Variants in LEPR observed in about 807,000 individuals in gnomAD.
LEPR encodes leptin receptor.
A neutral mutation model predicts 114.7 loss-of-function variants in LEPR; 56 were observed. That is an observed-to-expected ratio of 0.49 (90% CI 0.39 to 0.61). LEPR has a LOEUF of 0.61. Ranked by LOEUF, LEPR falls within the 20% of genes least tolerant of loss-of-function variation. The pLI is 0.00. For synonymous variants in LEPR, 443 were observed against 461.4 expected (o/e 0.96, Z 0.51); for missense variants, 1,202 against 1,352.9 (o/e 0.89, Z 1.75).
At chr1:65,622,609 G>T (rs1395783166) in intron 18 of LEPR, among the ~76,000 whole-genome samples, 1 of 152,192 alleles carries the variant, frequency 6.6e-6, no homozygotes, top group Non-Finnish European at 1.5e-5. Flanking sequence ...TACCCACTTT[G>T]TGACCATTTT....
At chr1:65,446,621 G>C (rs915242310) in intron 2 of LEPR, among the ~76,000 whole-genome samples, 10 of 152,062 alleles carry the variant, frequency 6.6e-5, no homozygotes, top group Non-Finnish European at 1.5e-4. Flanking sequence ...TTATTGAGTT[G>C]TGTGATTTCT....
rs534721012 is a variant in LEPR at position 65,501,317 on chromosome 1, T to C, written c.-20-64229T>C. On this transcript the variant is annotated intron_variant, in intron 2 of 19. Transcript: ENST00000349533. ...CCTTTAGGGGAGAATATCCCTTGCC[T>C]CTTTTAGCTTTTGGTAGCCTCAGGC... 5.4e-5 allele frequency among the ~76,000 whole-genome samples: 8 copies of C among 148,600 alleles called. No homozygotes were observed. In the South Asian group the frequency reaches 1.8e-3, roughly 33 times the overall value.
rs551766516 is a variant in LEPR, at chr1:65,522,608, A to G, written c.-20-42938A>G. Among the ~76,000 whole-genome samples the G allele has an allele frequency of 4.6e-5, 7 of 152,354 alleles. No homozygotes were observed. The South Asian group carries it at 1.4e-3, about 32-fold the overall frequency. The stretch of plus-strand genomic sequence containing the variant: ...CGTAAAGAGTTTCAAGAAGTGGCGT[A>G]TCAATATTCTCAACTTAATAGTTGG... On this transcript the variant is annotated intron_variant, in intron 2 of 19. Coordinates refer to ENST00000349533, the MANE Select transcript of LEPR (RefSeq NM_002303.6).
intron 19 of LEPR, among the ~76,000 whole-genome samples, chr1:65,627,145 C>T (rs1658266589): frequency 6.6e-6 from 1 of 152,158 alleles, no homozygotes; most frequent in Non-Finnish European, 1.5e-5. Flanking sequence ...GTCCATGTAA[C>T]ATCTGTGGTT....
intron 2 of LEPR, among the ~76,000 whole-genome samples, chr1:65,485,260 A>G (rs528403214): frequency 6.6e-6 from 1 of 152,222 alleles, no homozygotes; most frequent in Non-Finnish European, 1.5e-5. Flanking sequence ...ACACACGTTC[A>G]TAATTATGTT....
At chr1:65,567,452 A>G (rs539383060) in intron 3 of LEPR, among the ~76,000 whole-genome samples, 1 of 152,232 alleles carries the variant, frequency 6.6e-6, no homozygotes, top group Admixed American at 6.5e-5. Flanking sequence ...AACATGTTAG[A>G]AGGAGTGAAG....
chr1:65,558,181 T>C (rs903627082), intron 2 of LEPR, among the ~76,000 whole-genome samples: 2 of 152,158 alleles, frequency 1.3e-5, no homozygotes, highest in African/African-American at 2.4e-5. Context: ...CAAGAACAGG[T>C]AGCATAAAAA....
intron 2 of LEPR, among the ~76,000 whole-genome samples, chr1:65,452,258 A>G (rs1022160313): frequency 2.0e-5 from 3 of 152,002 alleles, no homozygotes; most frequent in Non-Finnish European, 4.4e-5. Flanking sequence ...TTCCTAATTG[A>G]ATACCCTTTA....
intron 2 of LEPR, among the ~76,000 whole-genome samples, chr1:65,536,235 A>G (rs1202064507): frequency 6.6e-6 from 1 of 152,058 alleles, no homozygotes; most frequent in Admixed American, 6.5e-5. Flanking sequence ...TTTTAAAAAG[A>G]GCTTGGCTTG....
intron 14 of LEPR, among the ~76,000 whole-genome samples, chr1:65,610,638 C>T (rs1359200651): frequency 6.6e-6 from 1 of 152,142 alleles, no homozygotes; most frequent in Non-Finnish European, 1.5e-5. Flanking sequence ...AAATTGTATT[C>T]ATATTTAATC....
rs151097940 is a variant in LEPR, at chr1:65,573,510, A to G, written c.494+1061A>G. Among the ~76,000 whole-genome samples the G allele has an allele frequency of 3.0e-4, 46 of 152,384 alleles. No homozygotes were observed. In the East Asian group the frequency reaches 8.1e-3, roughly 27 times the overall value. On this transcript the variant is annotated intron_variant, in intron 5 of 19. Coordinates refer to ENST00000349533, the MANE Select transcript of LEPR (RefSeq NM_002303.6). ...ACAAAGATATTGTTTTCAAATAGCC[A>G]TATACTTATAACTCAAACAGCGAAT...
intron 2 of LEPR, among the ~76,000 whole-genome samples, chr1:65,558,185 A>G (rs1652959027): frequency 6.6e-6 from 1 of 152,192 alleles, no homozygotes; most frequent in South Asian, 2.1e-4. Context: ...AACAGGTAGC[A>G]TAAAAAGCAG....
At chr1:65,449,808 G>T (rs1646759185) in intron 2 of LEPR, among the ~76,000 whole-genome samples, 1 of 138,420 alleles carries the variant, frequency 7.2e-6, no homozygotes, top group Non-Finnish European at 1.6e-5. Flanking sequence ...GAATTAATTT[G>T]TTCCTCTTTT....
At chr1:65,539,988 T>G (rs1448600075) in intron 2 of LEPR, among the ~76,000 whole-genome samples, 1 of 152,188 alleles carries the variant, frequency 6.6e-6, no homozygotes, top group Non-Finnish European at 1.5e-5. Flanking sequence ...CCCAGTAAAC[T>G]TTAATAAATT....
At chr1:65,598,568 C>A (rs1656238331) in intron 7 of LEPR, 92 bp from the exon 8 acceptor site, 1 of 1,550,986 alleles carries the variant, frequency 6.4e-7, no homozygotes. Context: ...GATATTAATT[C>A]TTTGAAATTT....
intron 2 of LEPR, chr1:65,429,964 C>G (rs766227049): frequency 6.3e-7 from 1 of 1,578,524 alleles, no homozygotes; most frequent in Non-Finnish European, 8.7e-7. Flanking sequence ...CCAGTAGTGC[C>G]TGTCGGGAAC....
rs542652920 is a variant in LEPR at position 65,571,121 on chromosome 1, G to A, written c.370+319G>A. 7.2e-5 allele frequency among the ~76,000 whole-genome samples: 11 copies of A among 152,176 alleles called. No individual in the cohort carries two copies. The East Asian group carries it at 1.3e-3, about 19-fold the overall frequency. On this transcript the variant is annotated intron_variant, in intron 4 of 19. Coordinates refer to ENST00000349533, the MANE Select transcript of LEPR (RefSeq NM_002303.6). ...AATGACTGATAATATTGTTGAATTG[G>A]TTAAATTTTAAAATATTCATGAATA...
chr1:65,463,507 C>G (rs915149128), intron 2 of LEPR, among the ~76,000 whole-genome samples: 1 of 152,100 alleles, frequency 6.6e-6, no homozygotes, highest in Admixed American at 6.6e-5. Context: ...GCTATGTGGG[C>G]TCTTTTTTGG....
chr1:65,626,029 G>A, intron 19 of LEPR: 1 of 1,093,224 alleles, frequency 9.1e-7, no homozygotes, highest in South Asian at 1.4e-5. Context: ...ACCATGAAGT[G>A]GTTTCTCAGT....
Sources: gnomAD v4.1 joint callset for allele counts (sites outside exome capture counted in the v4.1 genomes callset) on GRCh38, gnomAD v4.1.1 for gene constraint, MANE v1.5 for transcripts, NCBI Gene and HGNC (gene_info 2026-07-23, HGNC 2026-07-21) for gene names.